TBC1D22A: variants seen among roughly 807,000 people sequenced by gnomAD.
The protein encoded by TBC1D22A is TBC1 domain family member 22A.
TBC1D22A carries 38 observed loss-of-function variants against 60.2 expected under a neutral mutation model. That is an observed-to-expected ratio of 0.63 (90% CI 0.49 to 0.83). TBC1D22A has a LOEUF of 0.83. Among genes scored for constraint, TBC1D22A ranks in the 40% least tolerant of loss-of-function variants. The pLI, the probability that TBC1D22A is intolerant of heterozygous loss-of-function variation, is 0.00. For synonymous variants in TBC1D22A, 302 were observed against 281.7 expected, an observed-to-expected ratio of 1.07 and a Z score of -0.72; for missense variants, 628 against 701.0, an observed-to-expected ratio of 0.90 and a Z score of 1.18.
chr22:47,035,077 G>A (rs1272550932), intron 10 of TBC1D22A, among the ~76,000 whole-genome samples: 1 of 152,174 alleles, frequency 6.6e-6, no homozygotes, highest in Non-Finnish European at 1.5e-5. Flanking sequence ...GGCCGTGTGT[G>A]TAGTCTGCGC....
chr22:46,793,344 T>C (rs1227047523), intron 2 of TBC1D22A, among the ~76,000 whole-genome samples, 157 bp from the exon 3 acceptor site: 1 of 152,248 alleles, frequency 6.6e-6, no homozygotes, highest in Non-Finnish European at 1.5e-5. Context: ...GCTCTTCTTT[T>C]GGCTGTCTCT....
intron 4 of TBC1D22A, among the ~76,000 whole-genome samples, chr22:46,826,090 C>T (rs2086050310): frequency 6.6e-6 from 1 of 152,016 alleles, no homozygotes; most frequent in African/African-American, 2.4e-5. Flanking sequence ...ACCGTGTTAG[C>T]CATGATGGTC....
rs144124425 is a variant in TBC1D22A at position 46,950,650 on chromosome 22, A to G, written c.1016-23640A>G. Among the ~76,000 whole-genome samples the G allele has an allele frequency of 3.7e-3, 568 of 152,252 alleles. 3 individuals carry two copies. Among genetic ancestry groups the G allele is most frequent in the African/African-American group, 0.013 (538 of 41,528 alleles). ...GGCGATGTCTCATCAGGAAGTTGCAAGGAACAACAGGAGGATGGTGGTGGT... is the reference window on the plus strand; with the variant it reads ...GGCGATGTCTCATCAGGAAGTTGCAGGGAACAACAGGAGGATGGTGGTGGT... On this transcript the variant is annotated intron_variant, in intron 8 of 12. Transcript: ENST00000337137.
At chr22:47,032,912 G>A (rs1471506708) in intron 10 of TBC1D22A, among the ~76,000 whole-genome samples, 5 of 152,192 alleles carry the variant, frequency 3.3e-5, no homozygotes, top group Admixed American at 6.5e-5. Context: ...TCACACTGCC[G>A]TCCCAGGCTG....
At chr22:47,003,669 AC>A (rs2061474458) in intron 10 of TBC1D22A, among the ~76,000 whole-genome samples, 2 of 83,500 alleles carry the variant, frequency 2.4e-5, no homozygotes, top group Non-Finnish European at 2.3e-5. Flanking sequence ...ATACACACAC[AC>A]CCCTACACAC....
chr22:47,117,948 C>A (rs1321962426), intron 12 of TBC1D22A, among the ~76,000 whole-genome samples: 1 of 152,072 alleles, frequency 6.6e-6, no homozygotes, highest in Non-Finnish European at 1.5e-5. Flanking sequence ...CATAGTGAAA[C>A]CTTGTCTCTA....
At chr22:47,079,278 G>A (rs936490333) in intron 11 of TBC1D22A, among the ~76,000 whole-genome samples, 2 of 151,892 alleles carry the variant, frequency 1.3e-5, no homozygotes, top group African/African-American at 2.4e-5. Context: ...GTAGAGATGG[G>A]GTTTCACCAT....
intron 8 of TBC1D22A, among the ~76,000 whole-genome samples, chr22:46,951,721 G>A (rs770343261): frequency 2.0e-5 from 3 of 152,336 alleles, no homozygotes; most frequent in Middle Eastern, 3.4e-3. Flanking sequence ...TCAGATCCAT[G>A]CAAAATTCAT....
At chr22:47,083,545 A>T (rs1318762194) in intron 11 of TBC1D22A, among the ~76,000 whole-genome samples, 6 of 152,160 alleles carry the variant, frequency 3.9e-5, no homozygotes, top group Non-Finnish European at 8.8e-5. Context: ...CTCTAAATAA[A>T]GCCGTCAGCT....
chr22:46,847,918 GGTGTGTGTGTGTGTGTGTGTGT>G (rs58012028), intron 4 of TBC1D22A, among the ~76,000 whole-genome samples: 1 of 134,138 alleles, frequency 7.5e-6, no homozygotes, highest in African/African-American at 3.2e-5. Flanking sequence ...TACCCTAGTG[GGTGTGTGTGTGTGTGTGTGTGT>G]GTGTGTGTGT....
chr22:47,119,285 T>C (rs970338634), intron 12 of TBC1D22A, among the ~76,000 whole-genome samples: 11 of 152,206 alleles, frequency 7.2e-5, no homozygotes, highest in African/African-American at 2.2e-4. Flanking sequence ...AAAATCCTTA[T>C]GCTGTGTGAC....
chr22:46,941,333 C>CT (rs1569247601), intron 8 of TBC1D22A, among the ~76,000 whole-genome samples: 1 of 101,230 alleles, frequency 9.9e-6, no homozygotes, highest in East Asian at 2.6e-4. Flanking sequence ...TGGGGCACTA[C>CT]AATATATATA....
At chr22:47,050,671 G>C (rs866468369) in intron 11 of TBC1D22A, among the ~76,000 whole-genome samples, 1 of 152,124 alleles carries the variant, frequency 6.6e-6, no homozygotes, top group African/African-American at 2.4e-5. Flanking sequence ...CAGCTACTAA[G>C]AGCAGCCAGG....
chr22:47,038,296 AG>A (rs1262516814), intron 11 of TBC1D22A, among the ~76,000 whole-genome samples: 1 of 152,162 alleles, frequency 6.6e-6, no homozygotes, highest in East Asian at 1.9e-4. Context: ...CAGGATTTGC[AG>A]GGGGGCAGCT....
intron 9 of TBC1D22A, among the ~76,000 whole-genome samples, chr22:46,974,944 G>T (rs1408415825): frequency 6.6e-6 from 1 of 152,248 alleles, no homozygotes; most frequent in Non-Finnish European, 1.5e-5. Flanking sequence ...ATCAGCTAGG[G>T]TTAGTGGCTG....
chr22:46,874,689 T>A (rs1742510904), intron 4 of TBC1D22A, among the ~76,000 whole-genome samples: 1 of 149,684 alleles, frequency 6.7e-6, no homozygotes, highest in African/African-American at 2.5e-5. Context: ...TTCTCCTGCC[T>A]TAGCCTCCCA....
intron 8 of TBC1D22A, among the ~76,000 whole-genome samples, chr22:46,941,097 G>C (rs1319603152): frequency 2.6e-5 from 3 of 117,078 alleles, no homozygotes; most frequent in African/African-American, 1.0e-4. Flanking sequence ...ATGGGGACTG[G>C]GGCACTAGCA....
At chr22:46,794,708 C>A (rs540889312) in intron 3 of TBC1D22A, among the ~76,000 whole-genome samples, 117 of 152,292 alleles carry the variant, frequency 7.7e-4, no homozygotes, top group Admixed American at 1.5e-3. Flanking sequence ...TCAAGAGAGG[C>A]AGAGAATGGG....
At chr22:47,131,259 C>T (rs181270266) in intron 12 of TBC1D22A, among the ~76,000 whole-genome samples, 62 of 152,372 alleles carry the variant, frequency 4.1e-4, no homozygotes, top group Non-Finnish European at 6.9e-4. Context: ...TGTCCTTGTA[C>T]TCAGCAAGTG....
Sources: allele counts gnomAD v4.1 joint callset (sites outside exome capture counted in the v4.1 genomes callset), GRCh38; gene constraint gnomAD v4.1.1; transcripts MANE v1.5; gene names NCBI Gene and HGNC (gene_info 2026-07-23, HGNC 2026-07-21).